Variants in GPHN observed in about 807,000 individuals in gnomAD.
GPHN encodes gephyrin.
A neutral mutation model predicts 95.5 loss-of-function variants in GPHN; 17 were observed. The ratio of observed to expected loss-of-function variants is 0.18; its 90% CI spans 0.12 to 0.27. The LOEUF (loss-of-function observed/expected upper bound fraction) is 0.27. GPHN is among the 10% of genes least tolerant of loss of function. The pLI is 1.00. For synonymous variants in GPHN, 320 were observed against 322.5 expected (o/e 0.99, Z 0.08); for missense variants, 660 against 978.1 (o/e 0.67, Z 4.34).
intron 4 of GPHN, among the ~76,000 whole-genome samples, chr14:66,869,066 A>G (rs2063334411): frequency 6.6e-6 from 1 of 152,232 alleles, no homozygotes; most frequent in Admixed American, 6.5e-5. Flanking sequence ...ACCTGAAGTA[A>G]GACTATAAAT....
chr14:66,641,290 G>T (rs1162004292), intron 1 of GPHN, among the ~76,000 whole-genome samples: 1 of 152,188 alleles, frequency 6.6e-6, no homozygotes, highest in Non-Finnish European at 1.5e-5. Flanking sequence ...GTGTTGGGCA[G>T]TAGCAGCAAG....
chr14:67,139,232 A>AAG lies in GPHN; in HGVS notation c.1749-4118_1749-4117dup, dbSNP rs1282741704. On this transcript the variant is annotated intron_variant, in intron 17 of 22. Coordinates refer to ENST00000478722, the MANE Select transcript of GPHN (RefSeq NM_020806.5). Reference sequence around the variant, plus strand: ...AGCAATACTCCATCTCAAAAAAAAAAAGAGAGAGAGAGACTAGGTCTCACT... The same window carrying AAG: ...AGCAATACTCCATCTCAAAAAAAAAAAGAGAGAGAGAGAGACTAGGTCTCACT... Among the ~76,000 whole-genome samples the AAG allele has an allele frequency of 3.3e-5, 5 of 151,906 alleles. 1 individual carries two copies. The highest frequency in any genetic ancestry group is 4.2e-4 in the South Asian group (2 of 4,810).
chr14:66,628,586 T>C (rs918909436), intron 1 of GPHN, among the ~76,000 whole-genome samples: 1 of 152,118 alleles, frequency 6.6e-6, no homozygotes, highest in Non-Finnish European at 1.5e-5. Context: ...CCTAGGACTT[T>C]ACCATACACC....
rs191213718 is a variant in GPHN, at chr14:67,068,536, C to G, written c.1144+9750C>G. Reference sequence around the variant, plus strand: ...CTTCTGTAAGGCAGATTAAAATATTCTGGCACCATTCCCTGAAATTCCCAA... The same window carrying G: ...CTTCTGTAAGGCAGATTAAAATATTGTGGCACCATTCCCTGAAATTCCCAA... On this transcript the variant is annotated intron_variant, in intron 11 of 22. Transcript: ENST00000478722. 7.2e-4 allele frequency among the ~76,000 whole-genome samples: 110 copies of G among 152,318 alleles called. 1 individual carries two copies. Among genetic ancestry groups the G allele is most frequent in the African/African-American group, 2.3e-3 (96 of 41,586 alleles).
the GPHN span, among the ~76,000 whole-genome samples, chr14:67,637,729 ATAGTT>A: frequency 1.3e-5 from 2 of 152,212 alleles, no homozygotes; most frequent in Non-Finnish European, 2.9e-5. Flanking sequence ...ATTAACTAGA[ATAGTT>A]TAACATAAAT....
chr14:67,037,991 CTACT>C (rs938460511), intron 10 of GPHN, among the ~76,000 whole-genome samples: 4 of 151,936 alleles, frequency 2.6e-5, no homozygotes, highest in Non-Finnish European at 5.9e-5. Context: ...TCTCAAAAAA[CTACT>C]TACACACCTG....
chr14:67,202,189 C>G, the GPHN span, among the ~76,000 whole-genome samples: 9 of 152,330 alleles, frequency 5.9e-5, no homozygotes, highest in South Asian at 1.4e-3. Flanking sequence ...GCCTGTAATC[C>G]CAGCACTTTG....
the GPHN span, among the ~76,000 whole-genome samples, chr14:67,474,366 A>C: frequency 0.62 from 94,550 of 151,962 alleles, 30,721 homozygotes; most frequent in African/African-American, 0.81. Flanking sequence ...TGTACTCCCT[A>C]GAGCTTTTTT....
the GPHN span, chr14:67,653,298 G>A: frequency 1.6e-6 from 1 of 628,770 alleles, no homozygotes; most frequent in East Asian, 2.7e-5. Flanking sequence ...ATTCTGGTCT[G>A]CTGGGTGGTA....
At chr14:66,859,309 CAGAG>C (rs1386302160) in intron 4 of GPHN, among the ~76,000 whole-genome samples, 1 of 152,150 alleles carries the variant, frequency 6.6e-6, no homozygotes, top group African/African-American at 2.4e-5. Flanking sequence ...AAGCACAGCA[CAGAG>C]AGAGACTCCA....
At chr14:67,493,075 G>A in the GPHN span, among the ~76,000 whole-genome samples, 1 of 152,190 alleles carries the variant, frequency 6.6e-6, no homozygotes, top group Non-Finnish European at 1.5e-5. Flanking sequence ...AGAACTTTGG[G>A]AAAAGCATTC....
chr14:67,731,207 C>CT, the GPHN span, among the ~76,000 whole-genome samples: 680 of 90,600 alleles, frequency 7.5e-3, 1 homozygote, highest in African/African-American at 0.031. Flanking sequence ...TTCTTTCTTT[C>CT]TTTTTTTTTT....
the GPHN span, chr14:67,677,337 G>GT: frequency 1.1e-3 from 25 of 23,450 alleles, no homozygotes; most frequent in South Asian, 3.0e-3. Flanking sequence ...ATGAAGAATT[G>GT]TTTTTTTTGT....
chr14:66,970,895 T>A (rs745834203), intron 9 of GPHN, among the ~76,000 whole-genome samples: 3 of 152,228 alleles, frequency 2.0e-5, no homozygotes, highest in Non-Finnish European at 4.4e-5. Context: ...TGGGGGGTGT[T>A]GAGCAATAAT....
chr14:67,563,118 C>T, the GPHN span, among the ~76,000 whole-genome samples: 1 of 152,210 alleles, frequency 6.6e-6, no homozygotes, highest in Non-Finnish European at 1.5e-5. Flanking sequence ...CCTGAGTGCT[C>T]ACCGTGCACC....
intron 1 of GPHN, among the ~76,000 whole-genome samples, chr14:66,553,963 T>C (rs1478187239): frequency 6.6e-6 from 1 of 152,262 alleles, no homozygotes; most frequent in Non-Finnish European, 1.5e-5. Context: ...ATCTAAATTA[T>C]TGATTTTTAA....
chr14:66,832,562 T>A (rs994418355), intron 4 of GPHN, among the ~76,000 whole-genome samples: 1 of 152,190 alleles, frequency 6.6e-6, no homozygotes, highest in African/African-American at 2.4e-5. Flanking sequence ...TTTATAATTA[T>A]TTTTGTATTG....
chr14:67,310,158 A>G, the GPHN span, among the ~76,000 whole-genome samples: 2 of 152,046 alleles, frequency 1.3e-5, no homozygotes, highest in Admixed American at 6.6e-5. Flanking sequence ...TTTTTGCTCA[A>G]TCTCTTAACT....
At chr14:66,532,732 G>A (rs2058993912) in intron 1 of GPHN, among the ~76,000 whole-genome samples, 1 of 152,148 alleles carries the variant, frequency 6.6e-6, no homozygotes, top group Admixed American at 6.5e-5. Context: ...TGGACCCAGG[G>A]TTGAAGATTC....
Sources: allele counts gnomAD v4.1 joint callset (sites outside exome capture counted in the v4.1 genomes callset), GRCh38; gene constraint gnomAD v4.1.1; transcripts MANE v1.5; gene names NCBI Gene and HGNC (gene_info 2026-07-23, HGNC 2026-07-21).